DCDC1: variants seen among roughly 807,000 people sequenced by gnomAD.
DCDC1 encodes the protein doublecortin domain containing 1, also known as doublecortin domain-containing protein 1.
A neutral mutation model predicts 178.3 loss-of-function variants in DCDC1; 200 were observed. That is an observed-to-expected ratio of 1.12 (90% confidence interval 1.00 to 1.26). DCDC1 has a LOEUF of 1.26. Ranked by LOEUF, DCDC1 falls within the 50% of genes most tolerant of loss-of-function variation. The pLI, the probability that DCDC1 is intolerant of heterozygous loss-of-function variation, is 0.00. For synonymous variants in DCDC1, 690 were observed against 604.8 expected (o/e 1.14, Z -2.07); for missense variants, 1,983 against 1,749.2 (o/e 1.13, Z -2.38).
chr11:31,088,809 T>C (rs1957626358), intron 17 of DCDC1, among the ~76,000 whole-genome samples: 1 of 152,148 alleles, frequency 6.6e-6, no homozygotes, highest in African/African-American at 2.4e-5. Context: ...CTCGACCTCC[T>C]GCCTCAGCCT....
chr11:31,343,572 G>C lies in DCDC1; in HGVS notation c.-124-8008C>G, dbSNP rs140888478. Among the ~76,000 whole-genome samples, 144 of 152,184 alleles carry C rather than the reference G, an allele frequency of 9.5e-4. 1 individual carries two copies. Among genetic ancestry groups the C allele is most frequent in the African/African-American group, 3.3e-3 (138 of 41,522 alleles). On this transcript the variant is annotated intron_variant, in intron 1 of 38. Coordinates refer to ENST00000684477, the MANE Select transcript of DCDC1 (RefSeq NM_001387274.1). ...TCTGCCCATCTTGGCTTCCCAAAGT[G>C]CTGGGATTACAGCCATGAGCGACCA...
At chr11:30,995,580 G>C (rs1180521433) in intron 20 of DCDC1, among the ~76,000 whole-genome samples, 2 of 152,132 alleles carry the variant, frequency 1.3e-5, no homozygotes, top group Non-Finnish European at 2.9e-5. Context: ...TGGAGCAAAA[G>C]AGAGAGCCCA....
At chr11:31,131,188 C>CAAA (rs565349028) in intron 10 of DCDC1, among the ~76,000 whole-genome samples, 1 of 21,562 alleles carries the variant, frequency 4.6e-5, no homozygotes, top group African/African-American at 1.1e-4. Flanking sequence ...GACTCCGTCT[C>CAAA]AAAAAAAAAA....
chr11:31,266,831 C>G (rs952836255), intron 7 of DCDC1, among the ~76,000 whole-genome samples: 1 of 152,208 alleles, frequency 6.6e-6, no homozygotes, highest in Non-Finnish European at 1.5e-5. Context: ...CAAAGTTGCA[C>G]TTTCCTTTCA....
intron 11 of DCDC1, among the ~76,000 whole-genome samples, chr11:31,115,339 AC>A (rs775608026): frequency 2.6e-5 from 4 of 152,164 alleles, no homozygotes; most frequent in Non-Finnish European, 5.9e-5. Flanking sequence ...CTGGTTAAGA[AC>A]TAGCTGTGGG....
intron 18 of DCDC1, among the ~76,000 whole-genome samples, chr11:31,077,270 C>T (rs1402646885): frequency 6.6e-6 from 1 of 152,066 alleles, no homozygotes; most frequent in Admixed American, 6.6e-5. Context: ...TAGACACATC[C>T]ATCCATTAAC....
chr11:31,238,943 T>C (rs1306146022), intron 9 of DCDC1, among the ~76,000 whole-genome samples: 4 of 151,116 alleles, frequency 2.6e-5, no homozygotes, highest in Non-Finnish European at 5.9e-5. Context: ...GAAAAATGAG[T>C]AAGTTTGTAA....
chr11:31,334,215 G>A (rs1447863884), intron 2 of DCDC1, among the ~76,000 whole-genome samples: 1 of 152,102 alleles, frequency 6.6e-6, no homozygotes, highest in Non-Finnish European at 1.5e-5. Flanking sequence ...TTGTGCCATG[G>A]TTTTCAGCTC....
intron 3 of DCDC1, among the ~76,000 whole-genome samples, chr11:31,315,187 C>G (rs1949001421): frequency 6.6e-6 from 1 of 151,572 alleles, no homozygotes; most frequent in Non-Finnish European, 1.5e-5. Flanking sequence ...CTAGTAAAAT[C>G]ATACTTCTTG....
At chr11:31,124,890 C>T (rs762054996) in intron 11 of DCDC1, among the ~76,000 whole-genome samples, 12 of 151,990 alleles carry the variant, frequency 7.9e-5, no homozygotes, top group Non-Finnish European at 1.5e-4. Flanking sequence ...ATGATGAAAT[C>T]ACCAAAAGCA....
chr11:30,902,193 A>G (rs1052731791), intron 32 of DCDC1, among the ~76,000 whole-genome samples: 1 of 152,164 alleles, frequency 6.6e-6, no homozygotes, highest in Admixed American at 6.6e-5. Flanking sequence ...TTAAGAGGTG[A>G]TTAGGTCATA....
At chr11:31,211,667 G>T (rs1419113010) in intron 9 of DCDC1, among the ~76,000 whole-genome samples, 1 of 152,070 alleles carries the variant, frequency 6.6e-6, no homozygotes, top group Non-Finnish European at 1.5e-5. Flanking sequence ...CAATGGTGCA[G>T]TTTTCCTTTC....
intron 4 of DCDC1, 172 bp downstream of exon 4, chr11:31,307,467 T>A: frequency 2.6e-6 from 2 of 767,962 alleles, no homozygotes; most frequent in Admixed American, 6.0e-5. Context: ...CACAGTGTAA[T>A]TAACAACATT....
chr11:31,074,428 T>G (rs188507853), intron 18 of DCDC1, among the ~76,000 whole-genome samples: 1 of 152,320 alleles, frequency 6.6e-6, no homozygotes, highest in Admixed American at 6.5e-5. Context: ...TTGAGTCATA[T>G]GGCAGAGCTC....
intron 20 of DCDC1, chr11:30,992,705 T>G (rs2134944808): frequency 6.6e-6 from 1 of 152,302 alleles, no homozygotes; most frequent in South Asian, 2.1e-4. Flanking sequence ...AGTTAAATTT[T>G]CAACCACTAT....
chr11:31,298,497 C>T (rs938904784), intron 6 of DCDC1, among the ~76,000 whole-genome samples: 5 of 152,186 alleles, frequency 3.3e-5, no homozygotes, highest in African/African-American at 9.6e-5. Context: ...AGGGTCGTAT[C>T]TCAGCTGCTC....
chr11:30,904,855 T>C, intron 31 of DCDC1, 106 bp downstream of exon 31: 2 of 1,317,808 alleles, frequency 1.5e-6, no homozygotes. Flanking sequence ...CTGGTGAATC[T>C]GGCCAGGGAC....
chr11:30,897,783 T>G (rs1208673992), intron 34 of DCDC1, among the ~76,000 whole-genome samples: 1 of 151,998 alleles, frequency 6.6e-6, no homozygotes, highest in Non-Finnish European at 1.5e-5. Context: ...CTACAACTAT[T>G]CAGAGAACAA....
chr11:30,931,326 T>C (rs1356771540), intron 22 of DCDC1, among the ~76,000 whole-genome samples: 1 of 152,138 alleles, frequency 6.6e-6, no homozygotes, highest in Non-Finnish European at 1.5e-5. Context: ...ATAAATTATA[T>C]AAAGTTATAC....
Sources: gnomAD v4.1 joint callset for allele counts (sites outside exome capture counted in the v4.1 genomes callset) on GRCh38, gnomAD v4.1.1 for gene constraint, MANE v1.5 for transcripts, NCBI Gene and HGNC (gene_info 2026-07-23, HGNC 2026-07-21) for gene names.